Variants in PIAS1 observed in about 807,000 individuals in gnomAD.
PIAS1 encodes protein inhibitor of activated STAT 1.
PIAS1 carries 6 observed loss-of-function variants against 71.3 expected under a neutral mutation model. The observed-to-expected ratio is 0.08, with a 90% CI of 0.05 to 0.17. The LOEUF (loss-of-function observed/expected upper bound fraction) is 0.17, where lower values mean the gene tolerates loss of function less well. Ranked by LOEUF, PIAS1 falls within the 10% of genes least tolerant of loss-of-function variation. PIAS1 has a pLI of 1.00. For synonymous variants in PIAS1, 303 were observed against 292.9 expected (o/e 1.03, Z -0.35); for missense variants, 555 against 793.6 (o/e 0.70, Z 3.61).
chr15:68,136,421 G>GA (rs2092734569), intron 2 of PIAS1, among the ~76,000 whole-genome samples: 1 of 38,850 alleles, frequency 2.6e-5, no homozygotes, highest in African/African-American at 5.3e-5. Context: ...CCAACACAGC[G>GA]AAACCCCGTC....
chr15:68,127,446 G>A (rs749872127), intron 2 of PIAS1, among the ~76,000 whole-genome samples: 2 of 152,120 alleles, frequency 1.3e-5, no homozygotes, highest in Non-Finnish European at 2.9e-5. Context: ...ACTTGTACAG[G>A]TATTTTGCAT....
chr15:68,109,924 G>A lies in PIAS1; in HGVS notation c.469+23174G>A, dbSNP rs539543505. ...TGGTTACTGGCTGCATGGGATGTTA[G>A]TAGGTGCTCTTTGACCATGCCCCAT... On this transcript the variant is annotated intron_variant, in intron 2 of 13. Transcript: ENST00000249636. Among the ~76,000 whole-genome samples the A allele has an allele frequency of 1.7e-3, 265 of 152,182 alleles. 1 individual carries two copies. Among genetic ancestry groups the A allele is most frequent in the Non-Finnish European group, 3.0e-3 (205 of 68,026 alleles).
intron 2 of PIAS1, among the ~76,000 whole-genome samples, chr15:68,092,193 C>T (rs1005241154): frequency 2.0e-5 from 3 of 150,524 alleles, no homozygotes; most frequent in Non-Finnish European, 4.4e-5. Context: ...TTTTTTTTTC[C>T]GAGATGGTCT....
chr15:68,180,312 C>G (rs900561657), intron 11 of PIAS1, among the ~76,000 whole-genome samples: 1 of 152,054 alleles, frequency 6.6e-6, no homozygotes, highest in African/African-American at 2.4e-5. Flanking sequence ...GTTGCCCAGG[C>G]TGGGCAACTT....
chr15:68,075,729 A>G (rs1262637408), intron 1 of PIAS1, among the ~76,000 whole-genome samples: 2 of 138,380 alleles, frequency 1.4e-5, no homozygotes, highest in East Asian at 2.2e-4. Context: ...GCTGTAACCT[A>G]TTTTTTTCTT....
chr15:68,172,147 A>G (rs910752541), intron 8 of PIAS1, among the ~76,000 whole-genome samples: 4 of 150,414 alleles, frequency 2.7e-5, no homozygotes, highest in Non-Finnish European at 4.4e-5. Flanking sequence ...CCCACCTATG[A>G]GTGAGAACAT....
At chr15:68,099,836 C>T (rs1044636551) in intron 2 of PIAS1, among the ~76,000 whole-genome samples, 8 of 151,714 alleles carry the variant, frequency 5.3e-5, no homozygotes, top group South Asian at 2.1e-4. Flanking sequence ...ATGTATGTAG[C>T]GATAACTCAT....
Position 68,171,074 on chromosome 15 carries a change from A to G in PIAS1, c.1009-2658A>G, listed in dbSNP as rs922963049. ...TTTTCTTTCTTTATATCCTTATTCT[A>G]TAAGCTTTTTTCTATTTTTAACATT... On this transcript the variant is annotated intron_variant, in intron 8 of 13. Transcript: ENST00000249636. This position sits in a 1 kb window ranked among gnomAD's most constrained non-coding sequence, Gnocchi z 4.4. 2.6e-5 allele frequency among the ~76,000 whole-genome samples: 4 copies of G among 152,078 alleles called. No homozygotes were observed. The highest frequency in any genetic ancestry group is 2.4e-5 in the African/African-American group (1 of 41,420).
At chr15:68,136,038 T>C (rs2092731519) in intron 2 of PIAS1, among the ~76,000 whole-genome samples, 1 of 40,038 alleles carries the variant, frequency 2.5e-5, no homozygotes. Context: ...ACTTCCTAGA[T>C]GGGATGGCGG....
chr15:68,159,942 A>G (rs1319164890), intron 7 of PIAS1, among the ~76,000 whole-genome samples: 1 of 152,142 alleles, frequency 6.6e-6, no homozygotes, highest in Non-Finnish European at 1.5e-5. Flanking sequence ...TCCCACTAAC[A>G]ATGTGTGAGA....
In PIAS1 at chr15:68,138,016, C is replaced by T. The variant is rs755269002; in HGVS notation, c.470-3930C>T. ...AAAAAAAATTAGTCGGGCATGGTGG[C>T]ACCCACTATTGTAGTGCCAGCTACT... On this transcript the variant is annotated intron_variant, in intron 2 of 13. Transcript: ENST00000249636. Among the ~76,000 whole-genome samples the T allele has an allele frequency of 2.0e-5, 3 of 152,068 alleles. No individual in the cohort carries two copies. The South Asian group carries it at 6.2e-4, about 32-fold the overall frequency.
At chr15:68,182,927 C>G (rs2093064564) in intron 12 of PIAS1, among the ~76,000 whole-genome samples, 1 of 152,124 alleles carries the variant, frequency 6.6e-6, no homozygotes, top group African/African-American at 2.4e-5. Context: ...TACCTTTCCC[C>G]AAGTTTAGAT....
rs1255782622 is a variant in PIAS1, at chr15:68,134,612, C to T, written c.470-7334C>T. On this transcript the variant is annotated intron_variant, in intron 2 of 13. Coordinates refer to ENST00000249636, the MANE Select transcript of PIAS1 (RefSeq NM_016166.3). ...CCCCCAGACGGGGCGGCTGGCCGGG[C>T]GGGGGGCTAACCCCCCCCACCTCCC... Among the ~76,000 whole-genome samples, 5 of 6,306 alleles carry T rather than the reference C, an allele frequency of 7.9e-4. 1 individual carries two copies. Among genetic ancestry groups the T allele is most frequent in the Admixed American group, 1.9e-3 (1 of 526 alleles). 4.1% of individuals were successfully genotyped at this position (6,306 alleles called of 152,430 possible).
intron 9 of PIAS1, 141 bp from the exon 10 acceptor site, chr15:68,175,496 A>G: frequency 2.9e-6 from 1 of 344,166 alleles, no homozygotes; most frequent in Non-Finnish European, 5.2e-6. Context: ...TGGTCACATG[A>G]TATTTTCTTA....
chr15:68,110,295 C>T (rs1444442932), intron 2 of PIAS1, among the ~76,000 whole-genome samples: 5 of 152,010 alleles, frequency 3.3e-5, no homozygotes, highest in African/African-American at 1.2e-4. Flanking sequence ...GAAAGACAGT[C>T]CTTTGAAAGA....
At chr15:68,163,756 A>T (rs1006789154) in intron 7 of PIAS1, among the ~76,000 whole-genome samples, 1 of 152,196 alleles carries the variant, frequency 6.6e-6, no homozygotes, top group African/African-American at 2.4e-5. Context: ...GGTCACACTT[A>T]GTTGTACCAC....
At position 68,191,517 on chromosome 15, in the gene PIAS1, A is replaced by G. The variant is rs1432981187; in HGVS notation, c.*3682A>G. 3 of 152,668 alleles carry G rather than the reference A, an allele frequency of 2.0e-5. No individual in the cohort carries two copies. Among genetic ancestry groups the G allele is most frequent in the African/African-American group, 7.2e-5 (3 of 41,446 alleles). The allele number at this position is 152,668 out of a possible 1,614,324, so 9.5% of individuals were successfully genotyped here. The stretch of plus-strand genomic sequence containing the variant: ...GATGTTCAAGGGGACAATCCCTATG[A>G]GACAAGTGATAATGGTTTGTGCTTC... On this transcript the variant is annotated 3_prime_UTR_variant, in exon 14 of 14. Transcript: ENST00000249636.
chr15:68,072,218 G>A (rs964073033), intron 1 of PIAS1, among the ~76,000 whole-genome samples: 4 of 151,412 alleles, frequency 2.6e-5, no homozygotes, highest in African/African-American at 9.7e-5. Context: ...CTAACATGGT[G>A]AAACCCCGTC....
In PIAS1 at chr15:68,173,981, GTTATATAT is replaced by G. The variant is rs1429856448; in HGVS notation, c.1169+92_1169+99del. On this transcript the variant is annotated intron_variant, in intron 9 of 13. Transcript: ENST00000249636. The surrounding 1 kb of genome is among the most constrained non-coding windows in gnomAD (Gnocchi z 4.3). ...ATCAGATTTGGGATGAAAATTCTAA[GTTATATAT>G]TTGTAGGATTTTTGTGAGTCTGCAA... The G allele has an allele frequency of 1.2e-6, 1 of 818,184 alleles. No homozygotes were observed. The highest frequency in any genetic ancestry group is 1.8e-5 in the African/African-American group (1 of 56,384). 50.7% of individuals were successfully genotyped at this position (818,184 alleles called of 1,614,324 possible).
Sources: gnomAD v4.1 joint callset for allele counts (sites outside exome capture counted in the v4.1 genomes callset) on GRCh38, gnomAD v4.1.1 for gene constraint, Gnocchi (gnomAD v3.1) non-coding constraint, MANE v1.5 for transcripts, NCBI Gene and HGNC (gene_info 2026-07-23, HGNC 2026-07-21) for gene names.